Variants in FGF14 observed in about 807,000 individuals in gnomAD.
FGF14 encodes the protein fibroblast growth factor 14, also known as fibroblast growth factor homologous factor 4.
Under a neutral mutation model 25.5 loss-of-function variants are expected in FGF14, and 5 were observed. That is an observed-to-expected ratio of 0.20 (90% CI 0.10 to 0.41). The LOEUF is 0.41. Ranked by LOEUF, FGF14 falls within the 10% of genes least tolerant of loss-of-function variation. The pLI is 1.00. For missense variants in FGF14, 222 were observed against 320.1 expected (o/e 0.69, Z 2.34); for synonymous variants, 138 against 118.3 (o/e 1.17, Z -1.08).
intron 3 of FGF14, among the ~76,000 whole-genome samples, chr13:101,742,697 A>C (rs2036631000): frequency 6.6e-6 from 1 of 152,132 alleles, no homozygotes; most frequent in African/African-American, 2.4e-5. Context: ...GGACCCCAAA[A>C]TCACTAAGTC....
At chr13:102,048,243 C>T (rs1443887119) in intron 1 of FGF14, among the ~76,000 whole-genome samples, 2 of 151,910 alleles carry the variant, frequency 1.3e-5, no homozygotes, top group East Asian at 1.9e-4. Context: ...AAAGCTGTTG[C>T]GATCTTAGGA....
chr13:102,040,147 G>A (rs2041661725), intron 1 of FGF14, among the ~76,000 whole-genome samples: 1 of 151,990 alleles, frequency 6.6e-6, no homozygotes, highest in Admixed American at 6.6e-5. Flanking sequence ...TCTCTGTGAA[G>A]ATCACAGAGA....
intron 1 of FGF14, among the ~76,000 whole-genome samples, chr13:102,099,971 T>TTA (rs1004791700): frequency 1.3e-5 from 2 of 152,104 alleles, no homozygotes; most frequent in African/African-American, 4.8e-5. Context: ...AAAGCAAAAA[T>TTA]TAGACTCATG....
chr13:101,932,895 A>G (rs1228732847), intron 1 of FGF14, among the ~76,000 whole-genome samples: 1 of 152,158 alleles, frequency 6.6e-6, no homozygotes, highest in Non-Finnish European at 1.5e-5. Flanking sequence ...AATTCAATGA[A>G]TTTTGAGATC....
intron 1 of FGF14, among the ~76,000 whole-genome samples, chr13:102,084,148 T>C (rs915856878): frequency 6.6e-6 from 1 of 152,190 alleles, no homozygotes; most frequent in Middle Eastern, 3.2e-3. Flanking sequence ...TTGCTAAATG[T>C]TTACTTAATC....
At chr13:102,166,433 C>T (rs934539747) in intron 1 of FGF14, among the ~76,000 whole-genome samples, 11 of 152,100 alleles carry the variant, frequency 7.2e-5, no homozygotes, top group Admixed American at 6.6e-4. Flanking sequence ...AAATGCCAGT[C>T]GTCTAGCAGA....
chr13:102,369,639 T>C (rs1395071846), intron 1 of FGF14, among the ~76,000 whole-genome samples: 1 of 152,162 alleles, frequency 6.6e-6, no homozygotes, highest in Non-Finnish European at 1.5e-5. Context: ...CTGGGTGTGT[T>C]TAAAGACCTC....
chr13:101,741,564 C>T (rs548168609), intron 3 of FGF14, among the ~76,000 whole-genome samples: 12 of 151,066 alleles, frequency 7.9e-5, no homozygotes, highest in Non-Finnish European at 1.2e-4. Flanking sequence ...CTGATGTCAA[C>T]GGCAAATCCA....
At chr13:101,869,377 G>A (rs2044915581) in intron 2 of FGF14, among the ~76,000 whole-genome samples, 1 of 152,142 alleles carries the variant, frequency 6.6e-6, no homozygotes, top group African/African-American at 2.4e-5. Flanking sequence ...AATCAAAACT[G>A]AATGGCATGC....
chr13:102,087,811 C>T (rs1188442256), intron 1 of FGF14, among the ~76,000 whole-genome samples: 2 of 152,090 alleles, frequency 1.3e-5, no homozygotes, highest in Non-Finnish European at 2.9e-5. Flanking sequence ...GCTTTACCAA[C>T]TCTGTGCCTT....
chr13:102,249,717 C>T (rs934860686), intron 1 of FGF14, among the ~76,000 whole-genome samples: 8 of 152,218 alleles, frequency 5.3e-5, no homozygotes, highest in African/African-American at 1.9e-4. Context: ...CCTCAGATAT[C>T]TGAGTGAAAG....
chr13:102,161,609 A>G (rs955707825), intron 1 of FGF14, among the ~76,000 whole-genome samples: 602 of 4,374 alleles, frequency 0.14, 16 homozygotes, highest in Non-Finnish European at 0.15. Context: ...AAGAAGAAGA[A>G]GAAGAAGAAG....
chr13:101,750,010 T>C (rs911358435), intron 3 of FGF14, among the ~76,000 whole-genome samples: 2 of 152,034 alleles, frequency 1.3e-5, no homozygotes, highest in African/African-American at 4.8e-5. Flanking sequence ...CTGAAGAGAC[T>C]GGAGTTCTCC....
intron 1 of FGF14, among the ~76,000 whole-genome samples, chr13:102,263,517 T>A (rs1280233197): frequency 2.6e-5 from 4 of 152,178 alleles, no homozygotes; most frequent in Non-Finnish European, 5.9e-5. Flanking sequence ...GATTATGAAG[T>A]AATTCAATAC....
At chr13:101,788,502 A>C (rs1566902471) in intron 3 of FGF14, among the ~76,000 whole-genome samples, 2 of 152,120 alleles carry the variant, frequency 1.3e-5, no homozygotes, top group Non-Finnish European at 2.9e-5. Flanking sequence ...GGCAGTTTTG[A>C]GATAGAATGC....
chr13:101,860,254 T>C (rs1329730785), intron 3 of FGF14, among the ~76,000 whole-genome samples: 1 of 152,094 alleles, frequency 6.6e-6, no homozygotes, highest in Admixed American at 6.6e-5. Context: ...CTCTATACCA[T>C]CTTGGTGCTC....
intron 1 of FGF14, among the ~76,000 whole-genome samples, chr13:101,966,542 G>A (rs2037211856): frequency 6.6e-6 from 1 of 152,056 alleles, no homozygotes; most frequent in African/African-American, 2.4e-5. Context: ...GAATGCAGTG[G>A]TGCCATCTCG....
chr13:102,351,712 G>C (rs1276021702), intron 1 of FGF14, among the ~76,000 whole-genome samples: 1 of 152,310 alleles, frequency 6.6e-6, no homozygotes, highest in South Asian at 2.1e-4. Context: ...TCCTCACCAT[G>C]GGGGCCTTTC....
chr13:102,122,276 A>C (rs1342865165), intron 1 of FGF14, among the ~76,000 whole-genome samples: 1 of 152,180 alleles, frequency 6.6e-6, no homozygotes, highest in Non-Finnish European at 1.5e-5. Flanking sequence ...AGGACTTCTG[A>C]TCCTAGCTGA....
Sources: allele counts gnomAD v4.1 joint callset (sites outside exome capture counted in the v4.1 genomes callset), GRCh38; gene constraint gnomAD v4.1.1; transcripts MANE v1.5; gene names NCBI Gene and HGNC (gene_info 2026-07-23, HGNC 2026-07-21).